Variants in MRPL19 observed in about 807,000 individuals in gnomAD.
MRPL19 encodes the protein large ribosomal subunit protein bL19m.
MRPL19 carries 31 observed loss-of-function variants against 34.0 expected under a neutral mutation model. The observed-to-expected ratio is 0.91, with a 90% CI of 0.68 to 1.23. The LOEUF (loss-of-function observed/expected upper bound fraction) is 1.23. MRPL19 is among the 50% of genes most tolerant of loss of function. The pLI, the probability that MRPL19 is intolerant of heterozygous loss-of-function variation, is 0.00. For missense variants in MRPL19, 384 were observed against 367.6 expected (o/e 1.04, Z -0.37); for synonymous variants, 152 against 127.7 (o/e 1.19, Z -1.28).
At chr2:75,647,334 G>C (rs963980247) in intron 2 of MRPL19, 115 bp downstream of exon 2, 1 of 959,702 alleles carries the variant, frequency 1.0e-6, no homozygotes, top group African/African-American at 1.7e-5. Flanking sequence ...GCACGAGCAG[G>C]TGTGTAGGAT....
intron 4 of MRPL19, 120 bp from the exon 5 acceptor site, chr2:75,654,616 G>T: frequency 2.6e-6 from 2 of 780,380 alleles, no homozygotes; most frequent in South Asian, 3.0e-5. Flanking sequence ...CAAATTAACG[G>T]CACATTTTCT....
chr2:75,652,903 A>G (rs1678361937), intron 4 of MRPL19, among the ~76,000 whole-genome samples: 1 of 152,214 alleles, frequency 6.6e-6, no homozygotes. Flanking sequence ...TAGACTTTGC[A>G]AACCATGGCA....
chr2:75,652,552 C>A lies in MRPL19; in HGVS notation c.370C>A (p.Pro124Thr), dbSNP rs763691114. ...GSILRVTTAD[P>T]YASGKISQFL... ...TATTCTTCGTGTTACTACAGCTGAC[C>A]CATATGCCAGTGGAAAAATCAGCCA... The change falls in exon 4 of 6, where the codon CCA (proline) becomes ACA (threonine). Residue 124 changes from proline (P) to threonine (T), a missense_variant. By Grantham distance (38) the Pro-to-Thr change is conservative. Coordinates refer to ENST00000393909, the MANE Select transcript of MRPL19 (RefSeq NM_014763.4). The A allele has an allele frequency of 2.0e-5, 33 of 1,613,618 alleles. No individual in the cohort carries two copies. In the African/African-American group the frequency reaches 3.7e-4, roughly 18 times the overall value.
chr2:75,648,784 G>A (rs900952131), intron 2 of MRPL19, among the ~76,000 whole-genome samples: 1 of 152,062 alleles, frequency 6.6e-6, no homozygotes, highest in Non-Finnish European at 1.5e-5. Context: ...CAGAAGAATT[G>A]CTTGAACACA....
intron 2 of MRPL19, among the ~76,000 whole-genome samples, chr2:75,648,774 CAGA>C (rs1678271061): frequency 6.6e-6 from 1 of 151,830 alleles, no homozygotes; most frequent in Non-Finnish European, 1.5e-5. Flanking sequence ...GAGGCTGAGG[CAGA>C]AGAATTGCTT....
At position 75,662,000 on chromosome 2, in the gene MRPL19, T is replaced by C. The variant is rs1678637188; in HGVS notation, c.*6715T>C. 6.6e-6 allele frequency: 1 copy of C among 152,214 alleles called. No individual in the cohort carries two copies. Among genetic ancestry groups the C allele is most frequent in the African/African-American group, 2.4e-5 (1 of 41,452 alleles). The allele number at this position is 152,214 out of a possible 1,614,324, so 9.4% of individuals were successfully genotyped here. A position where few individuals can be genotyped will look rare whatever the true frequency, so the allele number is the denominator to read the frequency against. On this transcript the variant is annotated 3_prime_UTR_variant, in exon 6 of 6. Coordinates refer to ENST00000393909, the MANE Select transcript of MRPL19 (RefSeq NM_014763.4). ...ATGCCTTTTATCAGATTGAGGAATT[T>C]ATATTCCTACTTTGCCGAAAGGTTT...
rs1485617819 is a variant in MRPL19, at chr2:75,660,079, CCTT to C, written c.*4798_*4800del. On this transcript the variant is annotated 3_prime_UTR_variant, in exon 6 of 6. Coordinates refer to ENST00000393909, the MANE Select transcript of MRPL19 (RefSeq NM_014763.4). ...CCTCAGACTTGATTATTGCAGTTGCCCTTCTTTTTATTTTTTTCAAGTTTGTTG... is the reference window on the plus strand; with the variant it reads ...CCTCAGACTTGATTATTGCAGTTGCCCTTTTTATTTTTTTCAAGTTTGTTG... Among the ~76,000 whole-genome samples, 1 of 151,572 alleles carries C rather than the reference CCTT, an allele frequency of 6.6e-6. No individual in the cohort carries two copies. Among genetic ancestry groups the C allele is most frequent in the African/African-American group, 2.4e-5 (1 of 41,232 alleles).
rs574088354 is a variant in MRPL19, at chr2:75,658,370, A to AT, written c.*3087dup. Among the ~76,000 whole-genome samples, 91 of 152,246 alleles carry AT rather than the reference A, an allele frequency of 6.0e-4. No individual in the cohort carries two copies. The highest frequency in any genetic ancestry group is 1.0e-3 in the Non-Finnish European group (70 of 68,002). Reference sequence around the variant, plus strand: ...TGTTTTTATGACTAAATAATATTCCATTGTATGTATATACATTTTGTTCAT... The same window carrying AT: ...TGTTTTTATGACTAAATAATATTCCATTTGTATGTATATACATTTTGTTCAT... On this transcript the variant is annotated 3_prime_UTR_variant, in exon 6 of 6. Transcript: ENST00000393909.
rs1360492102 is a variant in MRPL19 at position 75,652,662 on chromosome 2, G to C, written c.475+5G>C. ...GGAATGTTATCGAAGGACAAGGTAA[G>C]TTTTATTTCATCATTTTCATTGTCT... On this transcript the variant is annotated splice_donor_5th_base_variant and intron_variant, in intron 4 of 5. Coordinates refer to ENST00000393909, the MANE Select transcript of MRPL19 (RefSeq NM_014763.4). 27 of 1,609,128 alleles carry C rather than the reference G, an allele frequency of 1.7e-5. No homozygotes were observed. The highest frequency in any genetic ancestry group is 2.0e-5 in the Non-Finnish European group (23 of 1,178,180).
chr2:75,652,361 A>T, intron 3 of MRPL19, 101 bp downstream of exon 3: 2 of 1,298,564 alleles, frequency 1.5e-6, no homozygotes, highest in Non-Finnish European at 2.2e-6. Context: ...TGTTTTTTAC[A>T]TATCTGGGTT....
intron 2 of MRPL19, chr2:75,651,304 T>G (rs973503801): frequency 1.9e-6 from 1 of 519,272 alleles, no homozygotes; most frequent in Non-Finnish European, 3.9e-6. Context: ...GTCTCTGGAT[T>G]TGTAGGTCTC....
chr2:75,648,560 T>C (rs1251059507), intron 2 of MRPL19, among the ~76,000 whole-genome samples: 1 of 152,208 alleles, frequency 6.6e-6, no homozygotes, highest in African/African-American at 2.4e-5. Flanking sequence ...GCTATTTTTA[T>C]GAAGTTTTAA....
chr2:75,650,125 G>A (rs554143105), intron 2 of MRPL19, among the ~76,000 whole-genome samples: 34 of 152,056 alleles, frequency 2.2e-4, no homozygotes, highest in African/African-American at 7.5e-4. Context: ...ACCAAATTTA[G>A]GATAGTAATG....
Position 75,646,930 on chromosome 2 carries a change from C to G in MRPL19, c.103+20C>G. 1 of 1,551,084 alleles carries G rather than the reference C, an allele frequency of 6.4e-7. No homozygotes were observed. The highest frequency in any genetic ancestry group is 1.2e-5 in the South Asian group (1 of 81,554). ...CCTGCAGTAAGTGGAGCCGGACTTGCGAGCTGGGGCGCGTTAGGGGCCCAG... is the reference window on the plus strand; with the variant it reads ...CCTGCAGTAAGTGGAGCCGGACTTGGGAGCTGGGGCGCGTTAGGGGCCCAG... On this transcript the variant is annotated intron_variant, in intron 1 of 5. Coordinates refer to ENST00000393909, the MANE Select transcript of MRPL19 (RefSeq NM_014763.4).
chr2:75,654,791 C>A lies in MRPL19; in HGVS notation c.531C>A (p.Val177=), dbSNP rs977634030. ...YNPRVQEIQV[V]KLEKRLDDSL... is the part of the protein sequence containing the mutation. The stretch of plus-strand genomic sequence containing the variant: ...CTCGGGTCCAGGAGATTCAGGTGGT[C>A]AAATTAGAGAAACGGCTGGATGATA... The change falls in exon 5 of 6, where the codon GTC becomes GTA. Residue 177 remains valine (V), a synonymous_variant. Coordinates refer to ENST00000393909, the MANE Select transcript of MRPL19 (RefSeq NM_014763.4). The A allele has an allele frequency of 4.3e-6, 7 of 1,613,482 alleles. No individual in the cohort carries two copies. In the African/African-American group the frequency reaches 9.4e-5, roughly 22 times the overall value.
At position 75,652,640 on chromosome 2, in the gene MRPL19, A is replaced by G; in HGVS notation, c.458A>G (p.Asn153Ser). Reference protein sequence around the residue: ...RGLGATFILRNVIEGQGVEIC... With the variant: ...RGLGATFILRSVIEGQGVEIC... Reference sequence around the variant, plus strand: ...CTTGGAGCTACTTTCATCCTTAGGAATGTTATCGAAGGACAAGGTAAGTTT... The same window carrying G: ...CTTGGAGCTACTTTCATCCTTAGGAGTGTTATCGAAGGACAAGGTAAGTTT... Residue 153 changes from asparagine (N) to serine (S), a missense_variant, in exon 4 of 6, where the codon AAT becomes AGT. By Grantham distance (46) the Asn-to-Ser change is conservative. Transcript: ENST00000393909. 2 of 1,612,780 alleles carry G rather than the reference A, an allele frequency of 1.2e-6. No homozygotes were observed. The highest frequency in any genetic ancestry group is 1.7e-6 in the Non-Finnish European group (2 of 1,179,526).
rs1435797318 is a variant in MRPL19, at chr2:75,659,116, T to C, written c.*3831T>C. On this transcript the variant is annotated 3_prime_UTR_variant, in exon 6 of 6. Transcript: ENST00000393909. ...TTCCTCTTTATGGCCTTCTTTTCTG[T>C]TTTTTTGTAGTGAACTAGTCTGATT... Among the ~76,000 whole-genome samples, 1 of 151,026 alleles carries C rather than the reference T, an allele frequency of 6.6e-6. No homozygotes were observed. Among genetic ancestry groups the C allele is most frequent in the Non-Finnish European group, 1.5e-5 (1 of 67,276 alleles).
rs1678633785 is a variant in MRPL19, at chr2:75,661,945, T to G, written c.*6660T>G. The G allele has an allele frequency of 6.6e-6, 1 of 152,214 alleles. No homozygotes were observed. The highest frequency in any genetic ancestry group is 2.4e-5 in the African/African-American group (1 of 41,462). 9.4% of individuals were successfully genotyped at this position (152,214 alleles called of 1,614,324 possible). Reference sequence around the variant, plus strand: ...CTTGCTTTAATATTTCACCATTATATATGATGTTAGGTATAGATTTTTCTC... The same window carrying G: ...CTTGCTTTAATATTTCACCATTATAGATGATGTTAGGTATAGATTTTTCTC... On this transcript the variant is annotated 3_prime_UTR_variant, in exon 6 of 6. Transcript: ENST00000393909.
chr2:75,647,187 G>A lies in MRPL19; in HGVS notation c.189G>A (p.Val63=). ...AACCGCCGCCGAAACCGGTCATCGTGGACAAGCACCGCCCCGTGGAACCGG... is the reference window on the plus strand; with the variant it reads ...AACCGCCGCCGAAACCGGTCATCGTAGACAAGCACCGCCCCGTGGAACCGG... ...AFQPPPKPVI[V]DKHRPVEPER... Residue 63 remains valine (V), a synonymous_variant, in exon 2 of 6, where the codon GTG becomes GTA. Transcript: ENST00000393909. The A allele has an allele frequency of 6.3e-7, 1 of 1,581,428 alleles. No individual in the cohort carries two copies. Among genetic ancestry groups the A allele is most frequent in the Admixed American group, 1.8e-5 (1 of 55,832 alleles).
Sources: gnomAD v4.1 joint callset for allele counts (sites outside exome capture counted in the v4.1 genomes callset) on GRCh38, gnomAD v4.1.1 for gene constraint, MANE v1.5 for transcripts, NCBI Gene and HGNC (gene_info 2026-07-23, HGNC 2026-07-21) for gene names.